AK9: variants seen among roughly 807,000 people sequenced by gnomAD.
AK9 encodes adenylate kinase domain containing 1.
In AK9, 191 loss-of-function variants were observed where a neutral mutation model predicts 239.6. The observed-to-expected ratio is 0.80, with a 90% CI of 0.71 to 0.90. The LOEUF (loss-of-function observed/expected upper bound fraction) is 0.90. Ranked by LOEUF, AK9 falls within the 40% of genes least tolerant of loss-of-function variation. The pLI, the probability that AK9 is intolerant of heterozygous loss-of-function variation, is 0.00. For synonymous variants in AK9, 689 were observed against 721.0 expected, an observed-to-expected ratio of 0.96 and a Z score of 0.71; for missense variants, 1,995 against 2,214.7, an observed-to-expected ratio of 0.90 and a Z score of 1.99.
chr6:109,564,983 G>A, intron 21 of AK9, 138 bp from the exon 22 acceptor site: 3 of 546,854 alleles, frequency 5.5e-6, no homozygotes, highest in South Asian at 4.2e-5. Flanking sequence ...TTCTTGTTAG[G>A]GAAAGAACGG....
chr6:109,616,162 A>G (rs1311897086), intron 13 of AK9, among the ~76,000 whole-genome samples: 4 of 152,176 alleles, frequency 2.6e-5, no homozygotes, highest in African/African-American at 4.8e-5. Context: ...AGTATTGGAA[A>G]AAGAGGGGTT....
At chr6:109,550,834 A>T (rs1159814954) in intron 24 of AK9, among the ~76,000 whole-genome samples, 1 of 152,220 alleles carries the variant, frequency 6.6e-6, no homozygotes, top group African/African-American at 2.4e-5. Context: ...TCCATTAAGG[A>T]TTCTTTCAAT....
At position 109,602,717 on chromosome 6, in the gene AK9, C is replaced by T. The variant is rs557021856; in HGVS notation, c.1842+7648G>A. Among the ~76,000 whole-genome samples the T allele has an allele frequency of 1.9e-4, 29 of 152,284 alleles. No homozygotes were observed. The East Asian group carries it at 2.7e-3, about 14-fold the overall frequency. Reference sequence around the variant, plus strand: ...GTCACTTTCAGGTACACCAATCAGACGTAGATTTGGTCTTTTCACATAGTC... The same window carrying T: ...GTCACTTTCAGGTACACCAATCAGATGTAGATTTGGTCTTTTCACATAGTC... On this transcript the variant is annotated intron_variant, in intron 17 of 40. Transcript: ENST00000424296.
chr6:109,614,613 T>C (rs1793949795), intron 13 of AK9, 133 bp from the exon 14 acceptor site: 1 of 687,990 alleles, frequency 1.5e-6, no homozygotes. Flanking sequence ...GTAAGGGCTG[T>C]GTGACTTTGG....
At chr6:109,689,372 G>C (rs1333572909) in intron 1 of AK9, among the ~76,000 whole-genome samples, 1 of 152,080 alleles carries the variant, frequency 6.6e-6, no homozygotes, top group African/African-American at 2.4e-5. Flanking sequence ...TTCTATGCAC[G>C]ACCAGCCCAA....
intron 26 of AK9, among the ~76,000 whole-genome samples, chr6:109,542,602 A>G (rs1783042975): frequency 6.6e-6 from 1 of 152,204 alleles, no homozygotes; most frequent in Non-Finnish European, 1.5e-5. Context: ...ACAAATACCA[A>G]TTTAGAAAAC....
At position 109,495,309 on chromosome 6, in the gene AK9, A is replaced by G. The variant is rs747307031; in HGVS notation, c.5418+29T>C. The G allele has an allele frequency of 3.9e-6, 6 of 1,528,942 alleles. No individual in the cohort carries two copies. The African/African-American group carries it at 5.5e-5, about 14-fold the overall frequency. 94.7% of individuals were successfully genotyped at this position (1,528,942 alleles called of 1,614,324 possible). On this transcript the variant is annotated intron_variant, in intron 39 of 40. Coordinates refer to ENST00000424296, the MANE Select transcript of AK9 (RefSeq NM_001145128.3). ...GAAGAAGTCATTGTATTCTTCTAAC[A>G]TATATAACAGAAAATTAAGTAAAAG...
chr6:109,672,001 C>G lies in AK9; in HGVS notation c.249G>C (p.Leu83Phe). Residue 83 changes from leucine (L) to phenylalanine (F), a missense_variant, in exon 5 of 41, where the codon TTG (leucine) becomes TTC (phenylalanine). By Grantham distance (22) the Leu-to-Phe change is conservative (BLOSUM62 0). Transcript: ENST00000424296. ...CATCTGGAATGCTTTGACCGCTGAT[C>G]AACATTGATTGCAACTAAGGACAAG... is the stretch of plus-strand genomic sequence containing the variant. ...TESGVMLQSM[L>F]ISGQSIPDEL... 6.2e-7 allele frequency: 1 copy of G among 1,613,898 alleles called. No homozygotes were observed. The highest frequency in any genetic ancestry group is 8.5e-7 in the Non-Finnish European group (1 of 1,179,934).
At chr6:109,634,908 A>C (rs1185383013) in intron 10 of AK9, among the ~76,000 whole-genome samples, 1 of 152,262 alleles carries the variant, frequency 6.6e-6, no homozygotes, top group African/African-American at 2.4e-5. Flanking sequence ...TTTGAATAGC[A>C]GACCATGTTC....
intron 12 of AK9, among the ~76,000 whole-genome samples, chr6:109,624,798 T>A (rs891452503): frequency 1.3e-5 from 2 of 152,172 alleles, no homozygotes. Flanking sequence ...AATATTCTTT[T>A]CTCTGGTAGC....
At chr6:109,591,989 C>T (rs1988701) in intron 17 of AK9, among the ~76,000 whole-genome samples, 6 of 152,052 alleles carry the variant, frequency 3.9e-5, no homozygotes, top group Admixed American at 2.6e-4. Flanking sequence ...GGAGTTATTT[C>T]TAAACAGAAC....
At chr6:109,577,579 G>C (rs1788258554) in intron 20 of AK9, among the ~76,000 whole-genome samples, 1 of 152,038 alleles carries the variant, frequency 6.6e-6, no homozygotes, top group Non-Finnish European at 1.5e-5. Context: ...TTGAATACCT[G>C]ATAGAAATCA....
At chr6:109,563,853 A>G (rs1786113065) in intron 23 of AK9, 141 bp from the exon 24 acceptor site, 1 of 1,198,574 alleles carries the variant, frequency 8.3e-7, no homozygotes, top group African/African-American at 1.5e-5. Flanking sequence ...AGGCCTTTAT[A>G]AGTTCCTTAC....
intron 22 of AK9, 70 bp from the exon 23 acceptor site, chr6:109,564,350 A>C: frequency 7.8e-7 from 1 of 1,283,684 alleles, no homozygotes; most frequent in East Asian, 2.6e-5. Flanking sequence ...TATTGCCAAA[A>C]TAGCTTATAC....
chr6:109,506,561 A>G lies in AK9; in HGVS notation c.4629-14T>C, dbSNP rs964179475. The G allele has an allele frequency of 5.8e-6, 9 of 1,560,732 alleles. No homozygotes were observed. The highest frequency in any genetic ancestry group is 7.8e-6 in the Non-Finnish European group (9 of 1,148,908). ...GGATAAGGCAATCTAATAGGGAAACAGAGAAGGAATGGAAAAAGCTGTTAA... is the reference window on the plus strand; with the variant it reads ...GGATAAGGCAATCTAATAGGGAAACGGAGAAGGAATGGAAAAAGCTGTTAA... On this transcript the variant is annotated splice_polypyrimidine_tract_variant and intron_variant, in intron 34 of 40. Coordinates refer to ENST00000424296, the MANE Select transcript of AK9 (RefSeq NM_001145128.3).
intron 38 of AK9, among the ~76,000 whole-genome samples, chr6:109,495,810 T>G (rs1203909179): frequency 6.6e-6 from 1 of 152,102 alleles, no homozygotes; most frequent in Admixed American, 6.5e-5. Context: ...ACTTGTTCTC[T>G]TCCCATGGTG....
rs924637334 is a variant in AK9, at chr6:109,546,062, C to T, written c.3030G>A (p.Gln1010=). 57 of 1,566,622 alleles carry T rather than the reference C, an allele frequency of 3.6e-5. No homozygotes were observed. In the East Asian group the frequency reaches 1.3e-3, roughly 35 times the overall value. ...GAAAAATGTTTAATTTTTCTGCCAA[C>T]TGTCTTCCACACATAGTTTTGCCAG... ...QGSGKTMCGR[Q]LAEKLNIFHI... Residue 1010 remains glutamine, a synonymous_variant, in exon 26 of 41, where the codon CAG becomes CAA. Coordinates refer to ENST00000424296, the MANE Select transcript of AK9 (RefSeq NM_001145128.3).
chr6:109,685,551 G>A (rs974637901), intron 1 of AK9, among the ~76,000 whole-genome samples: 1 of 152,000 alleles, frequency 6.6e-6, no homozygotes, highest in Admixed American at 6.6e-5. Context: ...GACGTAGGGA[G>A]GGGAACATCA....
At chr6:109,528,870 C>T in intron 29 of AK9, 141 bp downstream of exon 29, 4 of 1,433,548 alleles carry the variant, frequency 2.8e-6, no homozygotes, top group Non-Finnish European at 3.8e-6. Flanking sequence ...GCCTGTAATC[C>T]TAGCACTTTG....
Sources: gnomAD v4.1 joint callset for allele counts (sites outside exome capture counted in the v4.1 genomes callset) on GRCh38, gnomAD v4.1.1 for gene constraint, MANE v1.5 for transcripts, NCBI Gene and HGNC (gene_info 2026-07-23, HGNC 2026-07-21) for gene names.